ZNF570: variants seen among roughly 807,000 people sequenced by gnomAD.
ZNF570 encodes zinc finger protein 570.
In ZNF570, 8 loss-of-function variants were observed where a neutral mutation model predicts 14.2. That is an observed-to-expected ratio of 0.56 (90% confidence interval 0.33 to 1.02). The LOEUF (loss-of-function observed/expected upper bound fraction) is 1.02, where lower values mean the gene tolerates loss of function less well. Ranked by LOEUF, ZNF570 falls within the 50% of genes least tolerant of loss-of-function variation. The pLI is 0.03. For missense variants in ZNF570, 559 were observed against 624.9 expected (o/e 0.89, Z 1.12); for synonymous variants, 202 against 207.6 (o/e 0.97, Z 0.23).
chr19:37,470,522 C>T, intron 2 of ZNF570, 135 bp downstream of exon 2: 1 of 770,360 alleles, frequency 1.3e-6, no homozygotes, highest in Non-Finnish European at 2.2e-6. Context: ...GGATTCCCAT[C>T]TTATTCAAGA....
chr19:37,470,449 A>G (rs2041937986), intron 2 of ZNF570, 62 bp downstream of exon 2: 1 of 1,526,676 alleles, frequency 6.6e-7, no homozygotes, highest in Non-Finnish European at 9.1e-7. Context: ...AGCAGGTACT[A>G]ATTTTCCTTC....
chr19:37,472,916 A>G (rs764032150), intron 2 of ZNF570, among the ~76,000 whole-genome samples: 8 of 152,196 alleles, frequency 5.3e-5, no homozygotes, highest in Non-Finnish European at 1.0e-4. Flanking sequence ...AATGTGCTTA[A>G]GTAGGTGAGA....
chr19:37,484,782 A>G lies in ZNF570; in HGVS notation c.1160A>G (p.Glu387Gly). The change falls in exon 5 of 5, where the codon GAA (glutamate) becomes GGA (glycine). Residue 387 changes from glutamate (E) to glycine (G), a missense_variant. Physicochemically the swap from Glu to Gly is moderately conservative, Grantham distance 98. Transcript: ENST00000330173. ...ATACATACTGGAGAGAGACCCTATGAATGTAAGGAATGTGGGAAGGCCTTT... is the reference window on the plus strand; with the variant it reads ...ATACATACTGGAGAGAGACCCTATGGATGTAAGGAATGTGGGAAGGCCTTT... Reference protein sequence around the residue: ...QRIHTGERPYECKECGKAFSQ... With the variant: ...QRIHTGERPYGCKECGKAFSQ... 6.2e-7 allele frequency: 1 copy of G among 1,614,098 alleles called. No homozygotes were observed. Among genetic ancestry groups the G allele is most frequent in the Non-Finnish European group, 8.5e-7 (1 of 1,180,010 alleles).
At position 37,485,513 on chromosome 19, in the gene ZNF570, C is replaced by G. The variant is rs2042145960; in HGVS notation, c.*280C>G. ...ACCTCTGACTCCCAGCCTCTGCCTCCAGGGTTCAAGCAATTCTCATGCATC... is the reference window on the plus strand; with the variant it reads ...ACCTCTGACTCCCAGCCTCTGCCTCGAGGGTTCAAGCAATTCTCATGCATC... On this transcript the variant is annotated 3_prime_UTR_variant, in exon 5 of 5. Transcript: ENST00000330173. 3.3e-6 allele frequency: 1 copy of G among 299,612 alleles called. No individual in the cohort carries two copies. Among genetic ancestry groups the G allele is most frequent in the Non-Finnish European group, 6.1e-6 (1 of 162,802 alleles). 18.6% of individuals were successfully genotyped at this position (299,612 alleles called of 1,614,324 possible).
rs2041913308 is a variant in ZNF570, at chr19:37,469,357, C to T, written c.-252C>T. ...TCCGGGGGCGGAGGCAGCTGAGGCG[C>T]TTCTTTCCGGGCCCGTAAGGGCTGG... On this transcript the variant is annotated 5_prime_UTR_variant, in exon 1 of 5. Transcript: ENST00000330173. The T allele has an allele frequency of 2.1e-6, 3 of 1,428,352 alleles. No homozygotes were observed. Among genetic ancestry groups the T allele is most frequent in the Non-Finnish European group, 2.7e-6 (3 of 1,091,084 alleles). The allele number at this position is 1,428,352 out of a possible 1,614,324, so 88.5% of individuals were successfully genotyped here.
Position 37,485,546 on chromosome 19 carries a change from C to T in ZNF570, c.*313C>T, listed in dbSNP as rs889509486. On this transcript the variant is annotated 3_prime_UTR_variant, in exon 5 of 5. Transcript: ENST00000330173. ...AAGCAATTCTCATGCATCAGCCTCC[C>T]GAGTAGCTGGGACTATAGACATGCA... is the stretch of plus-strand genomic sequence containing the variant. 8 of 237,086 alleles carry T rather than the reference C, an allele frequency of 3.4e-5. No individual in the cohort carries two copies. Among genetic ancestry groups the T allele is most frequent in the African/African-American group, 9.1e-5 (4 of 44,000 alleles). 14.7% of individuals were successfully genotyped at this position (237,086 alleles called of 1,614,324 possible).
intron 4 of ZNF570, among the ~76,000 whole-genome samples, chr19:37,481,379 T>C (rs2042086505): frequency 6.6e-6 from 1 of 152,062 alleles, no homozygotes; most frequent in African/African-American, 2.4e-5. Flanking sequence ...GGTCTCAAAC[T>C]CCTGAGCTCG....
At chr19:37,482,872 C>G (rs10420722) in intron 4 of ZNF570, among the ~76,000 whole-genome samples, 30,893 of 148,254 alleles carry the variant, frequency 0.21, 3,330 homozygotes, top group South Asian at 0.32. Flanking sequence ...TCCCCCTCCC[C>G]CCCTTTCTCC....
rs2042146118 is a variant in ZNF570 at position 37,485,529 on chromosome 19, C to CTCATGCA, written c.*300_*306dup. The CTCATGCA allele has an allele frequency of 3.7e-6, 1 of 273,032 alleles. No homozygotes were observed. Among genetic ancestry groups the CTCATGCA allele is most frequent in the African/African-American group, 2.2e-5 (1 of 45,274 alleles). The allele number at this position is 273,032 out of a possible 1,614,324, so 16.9% of individuals were successfully genotyped here. The stretch of plus-strand genomic sequence containing the variant: ...CTCTGCCTCCAGGGTTCAAGCAATT[C>CTCATGCA]TCATGCATCAGCCTCCCGAGTAGCT... On this transcript the variant is annotated 3_prime_UTR_variant, in exon 5 of 5. Coordinates refer to ENST00000330173, the MANE Select transcript of ZNF570 (RefSeq NM_144694.5).
At chr19:37,470,446 A>G (rs942425181) in intron 2 of ZNF570, 59 bp downstream of exon 2, 1 of 1,547,564 alleles carries the variant, frequency 6.5e-7, no homozygotes, top group Middle Eastern at 1.7e-4. Flanking sequence ...ACAAGCAGGT[A>G]CTAATTTTCC....
intron 4 of ZNF570, 24 bp from the exon 5 acceptor site, chr19:37,483,855 T>G: frequency 6.4e-7 from 1 of 1,559,912 alleles, no homozygotes; most frequent in Non-Finnish European, 8.6e-7. Flanking sequence ...AGAGGAGACA[T>G]TTTTTCTTAT....
chr19:37,485,130 G>A lies in ZNF570; in HGVS notation c.1508G>A (p.Cys503Tyr). The A allele has an allele frequency of 6.2e-7, 1 of 1,610,730 alleles. No homozygotes were observed. Among genetic ancestry groups the A allele is most frequent in the Admixed American group, 1.7e-5 (1 of 59,078 alleles). The part of the protein sequence containing the change: ...TGERPYECKE[C>Y]KKTFRQHAHL... Reference sequence around the variant, plus strand: ...GAGAGACCCTATGAATGTAAGGAATGCAAAAAAACCTTCAGGCAGCATGCA... The same window carrying A: ...GAGAGACCCTATGAATGTAAGGAATACAAAAAAACCTTCAGGCAGCATGCA... Residue 503 changes from cysteine (C) to tyrosine (Y), a missense_variant, in exon 5 of 5, where the codon TGC becomes TAC. By Grantham distance (194) the Cys-to-Tyr change is radical. Transcript: ENST00000330173.
Position 37,485,267 on chromosome 19 carries a change from T to C in ZNF570, c.*34T>C, listed in dbSNP as rs2042142683. 6.6e-7 allele frequency: 1 copy of C among 1,506,802 alleles called. No homozygotes were observed. The highest frequency in any genetic ancestry group is 8.9e-7 in the Non-Finnish European group (1 of 1,128,910). 93.3% of individuals were successfully genotyped at this position (1,506,802 alleles called of 1,614,324 possible). A position where few individuals can be genotyped will look rare whatever the true frequency, so the allele number is the denominator to read the frequency against. On this transcript the variant is annotated 3_prime_UTR_variant, in exon 5 of 5. Coordinates refer to ENST00000330173, the MANE Select transcript of ZNF570 (RefSeq NM_144694.5). ...TCCTAAATGTTTCTAGAATTTATAC[T>C]GTTTTTTATCTTTAATGTTGTCACC...
chr19:37,483,812 G>C (rs1396833204), intron 4 of ZNF570, 67 bp from the exon 5 acceptor site: 7 of 1,460,352 alleles, frequency 4.8e-6, no homozygotes, highest in Non-Finnish European at 6.4e-6. Context: ...CTTTACAGAT[G>C]TACTTTATTA....
upstream of ZNF570, among the ~76,000 whole-genome samples, chr19:37,468,750 C>T (rs934655497): frequency 7.2e-5 from 11 of 152,316 alleles, no homozygotes; most frequent in South Asian, 2.1e-3. Flanking sequence ...TCGTGATCTG[C>T]CCACCTTGGC....
chr19:37,468,404 A>ACCTT (rs1568758974), upstream of ZNF570, among the ~76,000 whole-genome samples: 1 of 152,128 alleles, frequency 6.6e-6, no homozygotes, highest in African/African-American at 2.4e-5. Flanking sequence ...TACCTTTAAT[A>ACCTT]AAGAGATAAT....
At chr19:37,483,825 T>G in intron 4 of ZNF570, 54 bp from the exon 5 acceptor site, 24 of 1,492,034 alleles carry the variant, frequency 1.6e-5, no homozygotes, top group East Asian at 2.3e-5. Flanking sequence ...CTTTATTAAA[T>G]GTACTTTCTG....
At chr19:37,474,591 C>T (rs1043641944) in intron 2 of ZNF570, among the ~76,000 whole-genome samples, 2 of 152,010 alleles carry the variant, frequency 1.3e-5, no homozygotes, top group African/African-American at 2.4e-5. Context: ...TCCTGAGTAC[C>T]GGGGATTATA....
At chr19:37,469,353 G>C, upstream of ZNF570, 1 of 1,427,400 alleles carries the variant, frequency 7.0e-7, no homozygotes, top group Non-Finnish European at 9.2e-7. Flanking sequence ...AGGCAGCTGA[G>C]GCGCTTCTTT....
Sources: allele counts gnomAD v4.1 joint callset (sites outside exome capture counted in the v4.1 genomes callset), GRCh38; gene constraint gnomAD v4.1.1; transcripts MANE v1.5; gene names NCBI Gene and HGNC (gene_info 2026-07-23, HGNC 2026-07-21).